Variants in HDAC4 observed in about 807,000 individuals in gnomAD.
HDAC4 encodes histone deacetylase A.
A neutral mutation model predicts 135.1 loss-of-function variants in HDAC4; 16 were observed. That is an observed-to-expected ratio of 0.12 (90% CI 0.08 to 0.18). The LOEUF (loss-of-function observed/expected upper bound fraction) is 0.18. HDAC4 is among the 10% of genes least tolerant of loss of function. The probability of loss-of-function intolerance (pLI) is 1.00; values close to 1 mark genes in which losing one functional copy is unlikely to be tolerated. For synonymous variants in HDAC4, 685 were observed against 653.4 expected (o/e 1.05, Z -0.74); for missense variants, 1,143 against 1,511.8 (o/e 0.76, Z 4.05).
chr2:239,269,772 TAAAGAC>T (rs994759043), intron 2 of HDAC4, among the ~76,000 whole-genome samples: 1 of 152,210 alleles, frequency 6.6e-6, no homozygotes, highest in African/African-American at 2.4e-5. Flanking sequence ...CATTTCAACT[TAAAGAC>T]ACAGCAAATC....
At chr2:239,126,900 A>G (rs2040228221) in intron 11 of HDAC4, among the ~76,000 whole-genome samples, 1 of 152,216 alleles carries the variant, frequency 6.6e-6, no homozygotes, top group Non-Finnish European at 1.5e-5. Context: ...GACTATAGGA[A>G]CCATAATTTG....
In HDAC4 at chr2:239,054,778, C is replaced by T. The variant is rs369306715; in HGVS notation, c.3059G>A (p.Arg1020His). ...GATCTCCATGACTTTCTCCATGGAA[C>T]GGACAGCGTTTGCATTGGGTCTTTG... The part of the protein sequence containing the change: ...LQQRPNANAV[R>H]SMEKVMEIHS... Residue 1020 changes from arginine (R) to histidine (H), a missense_variant, in exon 25 of 27, where the codon CGT becomes CAT. Physicochemically the swap from Arg to His is conservative, Grantham distance 29. Coordinates refer to ENST00000543185, the MANE Select transcript of HDAC4 (RefSeq NM_001378414.1). 40 of 1,613,178 alleles carry T rather than the reference C, an allele frequency of 2.5e-5. No homozygotes were observed. Among genetic ancestry groups the T allele is most frequent in the Middle Eastern group, 1.6e-4 (1 of 6,084 alleles).
intron 22 of HDAC4, among the ~76,000 whole-genome samples, chr2:239,075,006 G>A (rs2152650389): frequency 6.6e-6 from 1 of 152,216 alleles, no homozygotes; most frequent in Non-Finnish European, 1.5e-5. Flanking sequence ...GGCGGATCAT[G>A]AGGTCAGGAG....
intron 2 of HDAC4, among the ~76,000 whole-genome samples, chr2:239,294,555 C>A (rs1346892170): frequency 6.6e-6 from 1 of 152,130 alleles, no homozygotes; most frequent in Non-Finnish European, 1.5e-5. Context: ...GTAGGTGGGG[C>A]TCTCTCTTTC....
chr2:239,342,042 T>G (rs1692331141), intron 2 of HDAC4, among the ~76,000 whole-genome samples: 1 of 152,188 alleles, frequency 6.6e-6, no homozygotes, highest in South Asian at 2.1e-4. Flanking sequence ...CCAAGTCCGC[T>G]GGCACCTTGA....
intron 1 of HDAC4, among the ~76,000 whole-genome samples, chr2:239,394,233 G>A (rs1477431283): frequency 2.0e-5 from 3 of 152,052 alleles, no homozygotes; most frequent in South Asian, 2.1e-4. Flanking sequence ...TCACACAGAC[G>A]GAGTACTTCA....
chr2:239,109,301 C>T (rs907999701), intron 14 of HDAC4, among the ~76,000 whole-genome samples: 26 of 152,188 alleles, frequency 1.7e-4, no homozygotes, highest in African/African-American at 6.0e-4. Context: ...GCGGGGCGCA[C>T]GGTGAAGAGC....
chr2:239,324,271 A>G (rs541692992), intron 2 of HDAC4, among the ~76,000 whole-genome samples: 117 of 152,364 alleles, frequency 7.7e-4, no homozygotes, highest in African/African-American at 2.7e-3. Context: ...CACAGCCCTG[A>G]GCCATCCTAC....
intron 2 of HDAC4, among the ~76,000 whole-genome samples, chr2:239,293,491 G>A (rs560787268): frequency 6.6e-6 from 1 of 152,306 alleles, no homozygotes; most frequent in East Asian, 1.9e-4. Flanking sequence ...TAACAAGGGC[G>A]GAGAGCAGCA....
rs779843411 is a variant in HDAC4, at chr2:239,134,620, C to T, written c.1002G>A (p.Val334=). The T allele has an allele frequency of 6.2e-7, 1 of 1,614,116 alleles. No homozygotes were observed. Among genetic ancestry groups the T allele is most frequent in the Non-Finnish European group, 8.5e-7 (1 of 1,179,994 alleles). Residue 334 remains valine (V), a synonymous_variant, in exon 10 of 27, where the codon GTG becomes GTA. Coordinates refer to ENST00000543185, the MANE Select transcript of HDAC4 (RefSeq NM_001378414.1). ...GTGGAGCGGCCGAGCCTTCTCGTGCCACAAGTCTGTGCGCCAAACTCGTCT... is the reference window on the plus strand; with the variant it reads ...GTGGAGCGGCCGAGCCTTCTCGTGCTACAAGTCTGTGCGCCAAACTCGTCT... ...PAETSLAHRL[V]AREGSAAPLP... is the part of the protein sequence containing the mutation.
At chr2:239,157,778 G>T (rs1403470305) in intron 6 of HDAC4, among the ~76,000 whole-genome samples, 1 of 152,224 alleles carries the variant, frequency 6.6e-6, no homozygotes, top group Non-Finnish European at 1.5e-5. Context: ...ATGGGAGCTT[G>T]TAAATGGGTA....
Position 239,352,773 on chromosome 2 carries a change from C to T in HDAC4, c.-74G>A. On this transcript the variant is annotated 5_prime_UTR_variant, in exon 2 of 27. Coordinates refer to ENST00000543185, the MANE Select transcript of HDAC4 (RefSeq NM_001378414.1). The surrounding 1 kb of genome is among the most constrained non-coding windows in gnomAD (Gnocchi z 4.4). ...CCACGGAAACGATAGCTCCAACGAG[C>T]TCCAAACTCCCACCAACACATACAA... 2 of 1,388,546 alleles carry T rather than the reference C, an allele frequency of 1.4e-6. No individual in the cohort carries two copies. Among genetic ancestry groups the T allele is most frequent in the Non-Finnish European group, 2.0e-6 (2 of 998,376 alleles). 86.0% of individuals were successfully genotyped at this position (1,388,546 alleles called of 1,614,324 possible). A position where few individuals can be genotyped will look rare whatever the true frequency, so the allele number is the denominator to read the frequency against.
intron 2 of HDAC4, among the ~76,000 whole-genome samples, chr2:239,321,858 GGTT>G (rs1343803724): frequency 6.6e-6 from 1 of 152,194 alleles, no homozygotes; most frequent in African/African-American, 2.4e-5. Context: ...TGGCACATCC[GGTT>G]GTTAAGGGGG....
In HDAC4 at chr2:239,126,376, G is replaced by A. The variant is rs572245032; in HGVS notation, c.1533+80C>T. The A allele has an allele frequency of 6.2e-6, 10 of 1,607,336 alleles. No homozygotes were observed. In the African/African-American group the frequency reaches 1.3e-4, roughly 21 times the overall value. On this transcript the variant is annotated intron_variant, in intron 12 of 26. Transcript: ENST00000543185. ...CTGGCCTCCCTTAAGGTCAGAAAGG[G>A]GCCAGTGCTGAAGCCTGAGGCTGAA...
At chr2:239,184,458 A>AG (rs1303144988) in intron 4 of HDAC4, among the ~76,000 whole-genome samples, 1 of 32,322 alleles carries the variant, frequency 3.1e-5, no homozygotes, top group African/African-American at 1.5e-4. Context: ...GTGCCCTATG[A>AG]GGGGGGGTCC....
At chr2:239,393,713 C>T (rs933762397) in intron 1 of HDAC4, among the ~76,000 whole-genome samples, 10 of 152,090 alleles carry the variant, frequency 6.6e-5, no homozygotes, top group East Asian at 3.9e-4. Context: ...GATGGTGACC[C>T]GTGTGCACCT....
chr2:239,061,498 T>C (rs2032731876), intron 24 of HDAC4, among the ~76,000 whole-genome samples: 1 of 151,718 alleles, frequency 6.6e-6, no homozygotes, highest in African/African-American at 2.4e-5. Flanking sequence ...TGCACGTGTG[T>C]GCACGTGTGA....
At chr2:239,329,792 G>A (rs943759564) in intron 2 of HDAC4, among the ~76,000 whole-genome samples, 12 of 152,146 alleles carry the variant, frequency 7.9e-5, no homozygotes, top group Admixed American at 2.0e-4. Flanking sequence ...AGGAACAGGC[G>A]CTGGGCTCCG....
intron 1 of HDAC4, among the ~76,000 whole-genome samples, chr2:239,393,457 C>A (rs1294533576): frequency 6.6e-6 from 1 of 152,180 alleles, no homozygotes; most frequent in East Asian, 1.9e-4. Context: ...ACCCAGGCAG[C>A]CTGCCAGTTG....
Sources: gnomAD v4.1 joint callset for allele counts (sites outside exome capture counted in the v4.1 genomes callset) on GRCh38, gnomAD v4.1.1 for gene constraint, Gnocchi (gnomAD v3.1) non-coding constraint, MANE v1.5 for transcripts, NCBI Gene and HGNC (gene_info 2026-07-23, HGNC 2026-07-21) for gene names.